The following CDH12 variants were observed in gnomAD, a reference collection of about 807,000 sequenced individuals.
The protein encoded by CDH12 is cadherin 12.
A neutral mutation model predicts 74.1 loss-of-function variants in CDH12; 41 were observed. That is an observed-to-expected ratio of 0.55 (90% CI 0.43 to 0.72). The LOEUF is 0.72. Ranked by LOEUF, CDH12 falls within the 30% of genes least tolerant of loss-of-function variation. The probability of loss-of-function intolerance (pLI) is 0.00; values close to 1 mark genes in which losing one functional copy is unlikely to be tolerated. For missense variants in CDH12, 945 were observed against 977.2 expected, an observed-to-expected ratio of 0.97 and a Z score of 0.44; for synonymous variants, 399 against 355.0, an observed-to-expected ratio of 1.12 and a Z score of -1.39.
chr5:22,460,257 TGTC>T (rs1263935258), intron 2 of CDH12, among the ~76,000 whole-genome samples: 2 of 152,212 alleles, frequency 1.3e-5, no homozygotes, highest in Non-Finnish European at 2.9e-5. Flanking sequence ...TTTTACTATG[TGTC>T]GTCATTATGC....
At chr5:22,397,172 C>T (rs1392275518) in intron 3 of CDH12, among the ~76,000 whole-genome samples, 7 of 152,020 alleles carry the variant, frequency 4.6e-5, no homozygotes, top group East Asian at 1.9e-4. Flanking sequence ...ATTATTATCA[C>T]GTGGCAGATT....
chr5:22,260,964 C>T (rs561807685), intron 3 of CDH12, among the ~76,000 whole-genome samples: 59 of 151,854 alleles, frequency 3.9e-4, no homozygotes, highest in African/African-American at 1.3e-3. Flanking sequence ...TTCAGTTATA[C>T]ATATTATCAT....
chr5:22,622,266 T>C (rs1738012425), intron 1 of CDH12, among the ~76,000 whole-genome samples: 1 of 152,068 alleles, frequency 6.6e-6, no homozygotes, highest in Non-Finnish European at 1.5e-5. Flanking sequence ...AATGGCTGAC[T>C]AGATGCAACC....
intron 4 of CDH12, among the ~76,000 whole-genome samples, chr5:22,167,394 G>C (rs1373320240): frequency 6.6e-6 from 1 of 152,168 alleles, no homozygotes; most frequent in Non-Finnish European, 1.5e-5. Flanking sequence ...AGATTGAAAA[G>C]TTTAATGCCA....
intron 4 of CDH12, among the ~76,000 whole-genome samples, chr5:22,099,262 A>C (rs1411336642): frequency 1.3e-5 from 2 of 152,076 alleles, no homozygotes; most frequent in Non-Finnish European, 2.9e-5. Flanking sequence ...AGCCTTTACT[A>C]GTCGAATCAC....
At chr5:22,145,811 A>T (rs1292142814) in intron 4 of CDH12, among the ~76,000 whole-genome samples, 1 of 152,068 alleles carries the variant, frequency 6.6e-6, no homozygotes, top group African/African-American at 2.4e-5. Context: ...GGAGTGAATT[A>T]TCATCTTCAC....
At chr5:22,210,408 T>C (rs10941941) in intron 4 of CDH12, among the ~76,000 whole-genome samples, 139,600 of 142,812 alleles carry the variant, frequency 0.98, 68,351 homozygotes, top group East Asian at 1. Flanking sequence ...AGATTTTCTT[T>C]ATCCTCTTAT....
chr5:22,210,812 C>T lies in CDH12; in HGVS notation c.-187+1686G>A, dbSNP rs146274198. Among the ~76,000 whole-genome samples, 140 of 150,878 alleles carry T rather than the reference C, an allele frequency of 9.3e-4. 2 individuals are homozygous for T. The East Asian group carries it at 0.027, about 29-fold the overall frequency. On this transcript the variant is annotated intron_variant, in intron 4 of 14. Transcript: ENST00000382254. ...TGTCCCTGTTTGGTTAATGTTGCCTCTTTCTGTTTATCAAGTTGCTTAAAA... is the reference window on the plus strand; with the variant it reads ...TGTCCCTGTTTGGTTAATGTTGCCTTTTTCTGTTTATCAAGTTGCTTAAAA...
At chr5:22,537,537 T>G (rs912468606) in intron 1 of CDH12, among the ~76,000 whole-genome samples, 8 of 151,904 alleles carry the variant, frequency 5.3e-5, no homozygotes, top group African/African-American at 1.9e-4. Flanking sequence ...ACCAGAAACA[T>G]TCCAAACCCC....
chr5:21,773,310 T>C (rs1462327440), intron 11 of CDH12, among the ~76,000 whole-genome samples: 1 of 152,120 alleles, frequency 6.6e-6, no homozygotes, highest in African/African-American at 2.4e-5. Context: ...AGATTAACAT[T>C]TGAGTCAGTG....
At chr5:22,584,360 G>A (rs910355469) in intron 1 of CDH12, among the ~76,000 whole-genome samples, 7 of 152,106 alleles carry the variant, frequency 4.6e-5, no homozygotes, top group African/African-American at 1.2e-4. Flanking sequence ...TCGGCTTCCC[G>A]AAGTGCTGGG....
chr5:22,302,437 G>A (rs1737926776), intron 3 of CDH12, among the ~76,000 whole-genome samples: 1 of 152,160 alleles, frequency 6.6e-6, no homozygotes, highest in Non-Finnish European at 1.5e-5. Context: ...TGCAATTAAT[G>A]GAGATTGAGT....
intron 6 of CDH12, among the ~76,000 whole-genome samples, chr5:21,905,223 C>A (rs1439406898): frequency 6.6e-6 from 1 of 152,196 alleles, no homozygotes; most frequent in East Asian, 1.9e-4. Context: ...GCCTTATCAA[C>A]TGTTGGACTC....
At chr5:22,255,096 C>G (rs962437886) in intron 3 of CDH12, among the ~76,000 whole-genome samples, 21 of 151,742 alleles carry the variant, frequency 1.4e-4, no homozygotes, top group African/African-American at 4.8e-4. Flanking sequence ...TTCATGAGTT[C>G]AATTTTTTTG....
At chr5:22,572,129 A>C (rs919473430) in intron 1 of CDH12, among the ~76,000 whole-genome samples, 4 of 152,190 alleles carry the variant, frequency 2.6e-5, no homozygotes, top group Non-Finnish European at 4.4e-5. Context: ...ACAAGTAAAC[A>C]TGGCTCATTT....
intron 1 of CDH12, among the ~76,000 whole-genome samples, chr5:22,660,741 T>G (rs1206612272): frequency 6.6e-6 from 1 of 152,214 alleles, no homozygotes; most frequent in Non-Finnish European, 1.5e-5. Flanking sequence ...GACTTTAATT[T>G]TGAAACATAT....
At chr5:22,146,168 T>C (rs1747163183) in intron 4 of CDH12, among the ~76,000 whole-genome samples, 2 of 152,056 alleles carry the variant, frequency 1.3e-5, no homozygotes, top group South Asian at 4.1e-4. Flanking sequence ...TGCTTTTAAA[T>C]ACTCTTAGTA....
chr5:22,825,091 C>A (rs952220496), intron 1 of CDH12, among the ~76,000 whole-genome samples: 1 of 151,966 alleles, frequency 6.6e-6, no homozygotes, highest in African/African-American at 2.4e-5. Flanking sequence ...CATTCATTTA[C>A]CCATTCATTT....
chr5:22,488,280 C>T (rs1169090379), intron 2 of CDH12, among the ~76,000 whole-genome samples: 1 of 152,110 alleles, frequency 6.6e-6, no homozygotes. Context: ...ATATAGATGG[C>T]CATTTATGGA....
Sources: allele counts gnomAD v4.1 joint callset (sites outside exome capture counted in the v4.1 genomes callset), GRCh38; gene constraint gnomAD v4.1.1; transcripts MANE v1.5; gene names NCBI Gene and HGNC (gene_info 2026-07-23, HGNC 2026-07-21).